Variants in TMEM164 observed in about 807,000 individuals in gnomAD.
TMEM164 encodes RP13-360B22.2.
A neutral mutation model predicts 18.8 loss-of-function variants in TMEM164; 4 were observed. The observed-to-expected ratio is 0.21, with a 90% CI of 0.10 to 0.49. The LOEUF is 0.49. Among genes scored for constraint, TMEM164 ranks in the 20% least tolerant of loss-of-function variants. The pLI is 0.98. For missense variants in TMEM164, 108 were observed against 239.9 expected (o/e 0.45, Z 3.63); for synonymous variants, 86 against 101.7 (o/e 0.85, Z 0.93).
At chrX:110,137,641 A>G (rs920476457) in intron 4 of TMEM164, among the ~76,000 whole-genome samples, 1 of 111,449 alleles carries the variant, frequency 9.0e-6, no homozygotes, top group Non-Finnish European at 1.9e-5. Flanking sequence ...AACCAAAGCC[A>G]ATACATGATC....
intron 2 of TMEM164, among the ~76,000 whole-genome samples, chrX:110,052,745 G>GTTT (rs34292132): frequency 0.011 from 730 of 68,717 alleles, 12 homozygotes; most frequent in Non-Finnish European, 0.012. Flanking sequence ...ACATGCATCT[G>GTTT]TTTTTTTTTT....
At chrX:110,080,406 G>A in intron 3 of TMEM164, among the ~76,000 whole-genome samples, 1 of 111,517 alleles carries the variant, frequency 9.0e-6, no homozygotes, top group Non-Finnish European at 1.9e-5. Context: ...TTCCTCCACT[G>A]GTAACCTCTG....
At chrX:110,097,243 A>G (rs2066036544) in intron 3 of TMEM164, among the ~76,000 whole-genome samples, 1 of 112,239 alleles carries the variant, frequency 8.9e-6, no homozygotes, top group Non-Finnish European at 1.9e-5. Context: ...AAGTGCTGAG[A>G]TTACAGGCAT....
At chrX:110,138,907 G>A (rs1167823550) in intron 4 of TMEM164, among the ~76,000 whole-genome samples, 1 of 111,907 alleles carries the variant, frequency 8.9e-6, no homozygotes, top group Non-Finnish European at 1.9e-5. Flanking sequence ...TTAGAAACAT[G>A]GAGGTCATTG....
intron 2 of TMEM164, chrX:110,046,550 C>G (rs933380566): frequency 2.9e-6 from 2 of 681,533 alleles, no homozygotes; most frequent in Non-Finnish European, 3.5e-6. Flanking sequence ...TACTTTTATA[C>G]CTTCTTTCTG....
intron 4 of TMEM164, among the ~76,000 whole-genome samples, chrX:110,132,475 C>A (rs1396349380): frequency 9.0e-5 from 10 of 111,393 alleles, no homozygotes; most frequent in Non-Finnish European, 1.9e-5. Context: ...CTCTCATATG[C>A]ACAGAGATAT....
At chrX:110,092,867 A>G (rs1487949686) in intron 3 of TMEM164, among the ~76,000 whole-genome samples, 2 of 111,815 alleles carry the variant, frequency 1.8e-5, no homozygotes, top group Non-Finnish European at 3.8e-5. Flanking sequence ...AGCTCTTATT[A>G]TTTTGAGATA....
chrX:110,013,686 C>A (rs1021901101), intron 2 of TMEM164, among the ~76,000 whole-genome samples: 2 of 111,584 alleles, frequency 1.8e-5, no homozygotes, highest in Non-Finnish European at 3.8e-5. Context: ...ACCATATTTC[C>A]TGGGTTTGGG....
downstream of TMEM164, among the ~76,000 whole-genome samples, chrX:110,181,495 T>C (rs1200312278): frequency 8.9e-6 from 1 of 112,548 alleles, no homozygotes; most frequent in Non-Finnish European, 1.9e-5. Context: ...TTCTGTTTTG[T>C]ATATTGAGGT....
At chrX:110,011,154 C>A (rs1160465968) in intron 2 of TMEM164, among the ~76,000 whole-genome samples, 6 of 110,927 alleles carry the variant, frequency 5.4e-5, no homozygotes, top group African/African-American at 2.0e-4. Context: ...AAGAAGCAGT[C>A]ATTGTTGATG....
At chrX:110,093,942 G>T (rs2065973356) in intron 3 of TMEM164, among the ~76,000 whole-genome samples, 1 of 111,340 alleles carries the variant, frequency 9.0e-6, no homozygotes, top group African/African-American at 3.3e-5. Context: ...ATTTCGTTAT[G>T]TACCCAGTAG....
intron 4 of TMEM164, among the ~76,000 whole-genome samples, chrX:110,115,932 T>TA (rs1292106264): frequency 1.8e-5 from 2 of 109,689 alleles, no homozygotes; most frequent in Non-Finnish European, 3.8e-5. Flanking sequence ...TTACAAAAAA[T>TA]AAAAAAATAG....
chrX:110,017,453 T>TCTCG (rs1933479837), intron 2 of TMEM164, among the ~76,000 whole-genome samples: 1 of 86,440 alleles, frequency 1.2e-5, no homozygotes, highest in Non-Finnish European at 2.3e-5. Flanking sequence ...TTTCTCTCTC[T>TCTCG]CTCTCTCTCT....
intron 2 of TMEM164, among the ~76,000 whole-genome samples, chrX:110,013,837 C>T (rs963101427): frequency 9.0e-6 from 1 of 111,702 alleles, no homozygotes; most frequent in African/African-American, 3.3e-5. Context: ...ATTGTGTGCA[C>T]TAAATAAATG....
chrX:110,145,302 C>T (rs1010684490), intron 5 of TMEM164, among the ~76,000 whole-genome samples: 9 of 111,282 alleles, frequency 8.1e-5, no homozygotes, highest in South Asian at 3.9e-4. Context: ...GCAAGAAGTC[C>T]GGGGACCAGG....
intron 3 of TMEM164, 114 bp from the exon 4 acceptor site, chrX:110,108,966 C>A: frequency 3.1e-6 from 2 of 648,065 alleles, no homozygotes; most frequent in African/African-American, 2.2e-5. Flanking sequence ...CCACAGAGAG[C>A]AACTTGTATA....
At chrX:110,147,261 CT>C (rs150610871) in intron 5 of TMEM164, among the ~76,000 whole-genome samples, 1 of 111,597 alleles carries the variant, frequency 9.0e-6, no homozygotes, top group Non-Finnish European at 1.9e-5. Context: ...AACTCTATTT[CT>C]TTTTTTTCTG....
At chrX:110,170,410 C>G (rs906847476) in intron 5 of TMEM164, among the ~76,000 whole-genome samples, 1 of 112,831 alleles carries the variant, frequency 8.9e-6, no homozygotes, top group Non-Finnish European at 1.9e-5. Flanking sequence ...ACTTGGAATA[C>G]ACAAGGTGCC....
At chrX:110,066,747 T>C (rs756343878) in intron 2 of TMEM164, among the ~76,000 whole-genome samples, 2 of 111,420 alleles carry the variant, frequency 1.8e-5, no homozygotes, top group African/African-American at 6.5e-5. Context: ...TTTTGTTTGG[T>C]TTTACCTGGG....
Sources: allele counts gnomAD v4.1 joint callset (sites outside exome capture counted in the v4.1 genomes callset), GRCh38; gene constraint gnomAD v4.1.1; transcripts MANE v1.5; gene names NCBI Gene and HGNC (gene_info 2026-07-23, HGNC 2026-07-21).